TCF4: variants seen among roughly 807,000 people sequenced by gnomAD.
TCF4 encodes the protein SL3-3 enhancer factor 2.
A neutral mutation model predicts 82.1 loss-of-function variants in TCF4; 3 were observed. That is an observed-to-expected ratio of 0.04 (90% CI 0.02 to 0.09). TCF4 has a LOEUF of 0.09. Among genes scored for constraint, TCF4 ranks in the 10% least tolerant of loss-of-function variants. The pLI is 1.00. For synonymous variants in TCF4, 276 were observed against 309.6 expected, an observed-to-expected ratio of 0.89 and a Z score of 1.14; for missense variants, 518 against 852.7, an observed-to-expected ratio of 0.61 and a Z score of 4.89.
At chr18:55,549,602 C>G (rs960527280) in intron 3 of TCF4, among the ~76,000 whole-genome samples, 1 of 152,206 alleles carries the variant, frequency 6.6e-6, no homozygotes, top group Non-Finnish European at 1.5e-5. Context: ...CACACCTTGT[C>G]TCACTGGACA....
chr18:55,460,795 T>C (rs554722215), intron 5 of TCF4, among the ~76,000 whole-genome samples: 6 of 152,316 alleles, frequency 3.9e-5, no homozygotes, highest in Admixed American at 3.3e-4. Context: ...ATAGATTCAG[T>C]ATCACTAAAA....
intron 3 of TCF4, among the ~76,000 whole-genome samples, chr18:55,561,325 T>G (rs551238751): frequency 3.3e-5 from 5 of 152,216 alleles, no homozygotes; most frequent in Non-Finnish European, 7.3e-5. Context: ...TCTCCTTCAA[T>G]GTGAGTGCCT....
intron 1 of TCF4, 100 bp downstream of exon 1, chr18:55,587,922 GGGCGCCGGGAGCCCGC>G: frequency 1.1e-6 from 1 of 872,388 alleles, no homozygotes; most frequent in Non-Finnish European, 1.4e-6. Context: ...TGGGAGCGCC[GGGCGCCGGGAGCCCGC>G]GGCGCGGGAG....
chr18:55,368,854 G>T (rs1186455985), intron 6 of TCF4, among the ~76,000 whole-genome samples: 1 of 152,176 alleles, frequency 6.6e-6, no homozygotes, highest in Non-Finnish European at 1.5e-5. Flanking sequence ...GCTGTAAAAA[G>T]GCATTTGTGA....
At chr18:55,363,681 C>T (rs1352099210) in intron 6 of TCF4, among the ~76,000 whole-genome samples, 1 of 152,098 alleles carries the variant, frequency 6.6e-6, no homozygotes, top group African/African-American at 2.4e-5. Flanking sequence ...TAGTGCACAC[C>T]TGTAATCCCA....
In TCF4 at chr18:55,405,485, G is replaced by A. The variant is rs552814775; in HGVS notation, c.305-1967C>T. Among the ~76,000 whole-genome samples the A allele has an allele frequency of 5.9e-5, 9 of 152,218 alleles. No homozygotes were observed. The South Asian group carries it at 1.9e-3, about 32-fold the overall frequency. On this transcript the variant is annotated intron_variant, in intron 5 of 19. Coordinates refer to ENST00000354452, the MANE Select transcript of TCF4 (RefSeq NM_001083962.2). ...AAATTGTAAAATACAGTTTAAGGAA[G>A]AAAAAGCATCTATTTTTTTCTCTAG...
At chr18:55,479,717 A>G (rs2096379719) in intron 3 of TCF4, among the ~76,000 whole-genome samples, 1 of 152,154 alleles carries the variant, frequency 6.6e-6, no homozygotes, top group Non-Finnish European at 1.5e-5. Flanking sequence ...CTAGGACCAG[A>G]GCCCACCCAC....
intron 15 of TCF4, among the ~76,000 whole-genome samples, chr18:55,252,503 A>C (rs974354010): frequency 6.6e-6 from 1 of 152,080 alleles, no homozygotes; most frequent in Non-Finnish European, 1.5e-5. Context: ...TCCCATCTCC[A>C]AAAATAATTC....
chr18:55,560,557 T>C (rs982413405), intron 3 of TCF4, among the ~76,000 whole-genome samples: 1 of 152,134 alleles, frequency 6.6e-6, no homozygotes, highest in Non-Finnish European at 1.5e-5. Flanking sequence ...CATCTACCAG[T>C]AAGAAGGCTT....
At chr18:55,246,232 C>CGTGTGTGTGT (rs34773632) in intron 15 of TCF4, among the ~76,000 whole-genome samples, 2,418 of 147,738 alleles carry the variant, frequency 0.016, 15 homozygotes, top group Middle Eastern at 0.05. Context: ...TTTAAATACA[C>CGTGTGTGTGT]GTGTGTGTGT....
At chr18:55,348,486 C>T (rs1479786391) in intron 8 of TCF4, among the ~76,000 whole-genome samples, 1 of 151,978 alleles carries the variant, frequency 6.6e-6, no homozygotes, top group East Asian at 1.9e-4. Flanking sequence ...TCCTAATTCC[C>T]AAGTTTTGTT....
At chr18:55,594,436 T>C (rs1433033634) in intron 2 of TCF4, among the ~76,000 whole-genome samples, 1 of 152,178 alleles carries the variant, frequency 6.6e-6, no homozygotes, top group Non-Finnish European at 1.5e-5. Context: ...TCTACACCCA[T>C]GCAGTGCCTG....
intron 3 of TCF4, among the ~76,000 whole-genome samples, chr18:55,495,023 T>G (rs2046678410): frequency 6.6e-6 from 1 of 151,816 alleles, no homozygotes; most frequent in Admixed American, 6.6e-5. Context: ...GTGGGAGTCT[T>G]TACTCTCTTT....
intron 3 of TCF4, chr18:55,510,731 T>A: frequency 7.1e-7 from 1 of 1,399,492 alleles, no homozygotes; most frequent in South Asian, 1.6e-5. Context: ...CCTTCCTTGT[T>A]ACTCTCCTGT....
intron 5 of TCF4, among the ~76,000 whole-genome samples, chr18:55,408,679 G>T (rs147094813): frequency 2.8e-4 from 43 of 152,210 alleles, no homozygotes; most frequent in African/African-American, 8.7e-4. Context: ...ACACCATTTT[G>T]CAGATGAGGA....
chr18:55,303,535 T>C (rs2069097818), intron 8 of TCF4, among the ~76,000 whole-genome samples: 2 of 152,198 alleles, frequency 1.3e-5, no homozygotes, highest in Admixed American at 1.3e-4. Flanking sequence ...TTTTTCTCTT[T>C]CCCAATTTCT....
chr18:55,229,362 G>A (rs373215055), intron 17 of TCF4: 1 of 470,720 alleles, frequency 2.1e-6, no homozygotes. Flanking sequence ...ATACAGGGGG[G>A]CAGAAAGGGA....
At chr18:55,427,671 C>T (rs1024941657) in intron 5 of TCF4, among the ~76,000 whole-genome samples, 1 of 152,200 alleles carries the variant, frequency 6.6e-6, no homozygotes, top group East Asian at 1.9e-4. Flanking sequence ...ACGCCCTCAA[C>T]ATTTGTATTC....
rs9967476 is a variant in TCF4, at chr18:55,567,192, T to C, written c.145+18088A>G. ...ACACAAAAGGGAAGTGCAATAATTA[T>C]ACCAATATCAGACAAAACAGAGTTT... On this transcript the variant is annotated intron_variant, in intron 3 of 19. Coordinates refer to ENST00000354452, the MANE Select transcript of TCF4 (RefSeq NM_001083962.2). 6.0e-3 allele frequency among the ~76,000 whole-genome samples: 909 copies of C among 152,230 alleles called. 12 individuals are homozygous for C. The highest frequency in any genetic ancestry group is 0.021 in the African/African-American group (875 of 41,542).
Sources: gnomAD v4.1 joint callset for allele counts (sites outside exome capture counted in the v4.1 genomes callset) on GRCh38, gnomAD v4.1.1 for gene constraint, MANE v1.5 for transcripts, NCBI Gene and HGNC (gene_info 2026-07-23, HGNC 2026-07-21) for gene names.